The following PDLIM5 variants were observed in gnomAD, a reference collection of about 807,000 sequenced individuals.
PDLIM5 encodes the protein PDZ and LIM domain 5.
In PDLIM5, 34 loss-of-function variants were observed where a neutral mutation model predicts 64.2. The observed-to-expected ratio is 0.53, with a 90% confidence interval of 0.40 to 0.71. PDLIM5 has a LOEUF of 0.71. PDLIM5 is among the 30% of genes least tolerant of loss of function. The probability of loss-of-function intolerance (pLI) is 0.00; values close to 1 mark genes in which losing one functional copy is unlikely to be tolerated. For synonymous variants in PDLIM5, 253 were observed against 269.1 expected (o/e 0.94, Z 0.59); for missense variants, 683 against 733.6 (o/e 0.93, Z 0.80).
At chr4:94,658,249 A>T (rs1270150022) in intron 11 of PDLIM5, among the ~76,000 whole-genome samples, 1 of 152,230 alleles carries the variant, frequency 6.6e-6, no homozygotes. Context: ...CCTTGAAAAT[A>T]AACTGGAGAT....
intron 2 of PDLIM5, chr4:94,456,455 C>T (rs1046658948): frequency 5.7e-6 from 4 of 699,544 alleles, no homozygotes; most frequent in African/African-American, 5.3e-5. Flanking sequence ...ACCTCGGCCT[C>T]CCAAAGTGCT....
chr4:94,457,673 C>T (rs1179745712), intron 2 of PDLIM5, among the ~76,000 whole-genome samples: 1 of 152,010 alleles, frequency 6.6e-6, no homozygotes, highest in East Asian at 1.9e-4. Context: ...TTTGTGGTAC[C>T]GTGTCTTTAA....
intron 7 of PDLIM5, among the ~76,000 whole-genome samples, chr4:94,591,989 A>T (rs1200293953): frequency 2.6e-5 from 4 of 152,248 alleles, no homozygotes; most frequent in Admixed American, 2.0e-4. Flanking sequence ...TTCAACCCAG[A>T]TCACAAACAC....
chr4:94,521,318 G>A (rs564139630), intron 2 of PDLIM5, among the ~76,000 whole-genome samples: 13 of 152,060 alleles, frequency 8.5e-5, no homozygotes, highest in Non-Finnish European at 1.3e-4. Flanking sequence ...GGAAAGGTCT[G>A]TAGAAAACTC....
At chr4:94,458,297 A>G (rs147658582) in intron 2 of PDLIM5, among the ~76,000 whole-genome samples, 1,797 of 152,252 alleles carry the variant, frequency 0.012, 41 homozygotes, top group African/African-American at 0.041. Context: ...ACCTGAAAGC[A>G]TGCTTAAAAC....
intron 3 of PDLIM5, among the ~76,000 whole-genome samples, chr4:94,569,241 G>C (rs1734593775): frequency 6.6e-6 from 1 of 152,172 alleles, no homozygotes; most frequent in Non-Finnish European, 1.5e-5. Context: ...CAAGGTCTTT[G>C]GAGAACATTT....
chr4:94,665,493 AAAAAAAAAAAAAAG>A lies in PDLIM5; in HGVS notation c.*1428_*1441del. 1 of 757,444 alleles carries A rather than the reference AAAAAAAAAAAAAAG, an allele frequency of 1.3e-6. No homozygotes were observed. Among genetic ancestry groups the A allele is most frequent in the Non-Finnish European group, 1.6e-6 (1 of 637,738 alleles). The allele number at this position is 757,444 out of a possible 1,614,324, so 46.9% of individuals were successfully genotyped here. On this transcript the variant is annotated 3_prime_UTR_variant, in exon 13 of 13. Coordinates refer to ENST00000317968, the MANE Select transcript of PDLIM5 (RefSeq NM_006457.5). The stretch of plus-strand genomic sequence containing the variant: ...AGACTCCGGCTCTTAAAAAAAAAAA[AAAAAAAAAAAAAAG>A]AGAGAGAGAGAATAAATAGAAAAGA...
chr4:94,587,153 C>G, intron 7 of PDLIM5: 1 of 1,515,118 alleles, frequency 6.6e-7, no homozygotes, highest in Non-Finnish European at 8.8e-7. Flanking sequence ...AACTTCATAG[C>G]AAAATCTGTA....
intron 7 of PDLIM5, among the ~76,000 whole-genome samples, chr4:94,604,692 C>T (rs1737772671): frequency 6.6e-6 from 1 of 152,028 alleles, no homozygotes; most frequent in Non-Finnish European, 1.5e-5. Flanking sequence ...CTGGTTACCA[C>T]AGGCTAGGGG....
intron 3 of PDLIM5, among the ~76,000 whole-genome samples, chr4:94,543,778 C>CTGTGTGTG (rs60929032): frequency 9.8e-5 from 13 of 132,134 alleles, no homozygotes; most frequent in Non-Finnish European, 1.6e-4. Context: ...TAGTATTCCA[C>CTGTGTGTG]TGTGTGTGTG....
chr4:94,459,137 G>A (rs1379313487), intron 2 of PDLIM5, among the ~76,000 whole-genome samples: 1 of 152,074 alleles, frequency 6.6e-6, no homozygotes, highest in Non-Finnish European at 1.5e-5. Flanking sequence ...ATAATTCAAG[G>A]CTATATTTTG....
intron 2 of PDLIM5, among the ~76,000 whole-genome samples, chr4:94,523,261 T>C (rs144228333): frequency 7.5e-4 from 115 of 152,324 alleles, no homozygotes; most frequent in Non-Finnish European, 1.4e-3. Flanking sequence ...GGAAGGATTG[T>C]TTAGCAGATC....
chr4:94,547,654 C>T (rs1280684671), intron 3 of PDLIM5, among the ~76,000 whole-genome samples: 1 of 152,194 alleles, frequency 6.6e-6, no homozygotes, highest in Non-Finnish European at 1.5e-5. Flanking sequence ...CTGTCTAACA[C>T]ATTTTGTCTT....
chr4:94,526,538 A>G (rs942877784), intron 3 of PDLIM5, among the ~76,000 whole-genome samples: 1 of 152,056 alleles, frequency 6.6e-6, no homozygotes, highest in Non-Finnish European at 1.5e-5. Flanking sequence ...GCCTGTTTTG[A>G]TAGAGTGTGT....
chr4:94,452,532 C>A (rs762920048), intron 1 of PDLIM5, among the ~76,000 whole-genome samples: 1 of 152,250 alleles, frequency 6.6e-6, no homozygotes, highest in East Asian at 1.9e-4. Context: ...TTTTGTGTAA[C>A]CTGTTTGGGG....
chr4:94,457,139 A>C (rs1366829234), intron 2 of PDLIM5: 2 of 943,486 alleles, frequency 2.1e-6, no homozygotes, highest in African/African-American at 3.5e-5. Context: ...GATTAAAAAT[A>C]AGTTTGTAAC....
intron 7 of PDLIM5, chr4:94,588,139 G>T: frequency 1.0e-6 from 1 of 953,894 alleles, no homozygotes; most frequent in Non-Finnish European, 1.2e-6. Flanking sequence ...CTTTGTACTT[G>T]TTCTGTTTCC....
At chr4:94,527,071 TTTTG>T (rs1730437742) in intron 3 of PDLIM5, among the ~76,000 whole-genome samples, 1 of 138,296 alleles carries the variant, frequency 7.2e-6, no homozygotes, top group African/African-American at 2.8e-5. Context: ...TTTTTTTTTT[TTTTG>T]AGACAGAGTC....
rs57625095 is a variant in PDLIM5, at chr4:94,527,046, C to CTTTTTTTTT, written c.248+3191_248+3199dup. Reference sequence around the variant, plus strand: ...CATTGCGCCCGGCCTGAACAGCATTCTTTTTTTTTTTTTTTTTTTTTTTTT... The same window carrying CTTTTTTTTT: ...CATTGCGCCCGGCCTGAACAGCATTCTTTTTTTTTTTTTTTTTTTTTTTTTTTTTTTTTT... On this transcript the variant is annotated intron_variant, in intron 3 of 12. Coordinates refer to ENST00000317968, the MANE Select transcript of PDLIM5 (RefSeq NM_006457.5). Among the ~76,000 whole-genome samples the CTTTTTTTTT allele has an allele frequency of 2.6e-4, 15 of 57,812 alleles. 1 individual carries two copies. The highest frequency in any genetic ancestry group is 6.1e-4 in the East Asian group (1 of 1,632). 37.9% of individuals were successfully genotyped at this position (57,812 alleles called of 152,430 possible). A position where few individuals can be genotyped will look rare whatever the true frequency, so the allele number is the denominator to read the frequency against.
Sources: allele counts gnomAD v4.1 joint callset (sites outside exome capture counted in the v4.1 genomes callset), GRCh38; gene constraint gnomAD v4.1.1; transcripts MANE v1.5; gene names NCBI Gene and HGNC (gene_info 2026-07-23, HGNC 2026-07-21).